Variants in NF1 observed in about 807,000 individuals in gnomAD.
The protein encoded by NF1 is neurofibromin 1.
A neutral mutation model predicts 325.7 loss-of-function variants in NF1; 122 were observed. That is an observed-to-expected ratio of 0.37 (90% CI 0.32 to 0.44). The LOEUF (loss-of-function observed/expected upper bound fraction) is 0.44. NF1 is among the 20% of genes least tolerant of loss of function. The probability of loss-of-function intolerance (pLI) is 1.00; values close to 1 mark genes in which losing one functional copy is unlikely to be tolerated. For synonymous variants in NF1, 1,091 were observed against 1,186.0 expected, an observed-to-expected ratio of 0.92 and a Z score of 1.65; for missense variants, 2,140 against 3,415.4, an observed-to-expected ratio of 0.63 and a Z score of 9.31.
intron 1 of NF1, among the ~76,000 whole-genome samples, chr17:31,142,348 C>G (rs1406035279): frequency 6.6e-6 from 1 of 152,026 alleles, no homozygotes; most frequent in East Asian, 1.9e-4. Flanking sequence ...AGTAATGTAT[C>G]TAACTGAAAA....
chr17:31,222,562 G>A, intron 15 of NF1: 1 of 1,020,324 alleles, frequency 9.8e-7, no homozygotes, highest in Admixed American at 5.8e-5. Flanking sequence ...GAGTAGTGCT[G>A]TCCACTAGTA....
intron 29 of NF1, among the ~76,000 whole-genome samples, chr17:31,239,743 A>G (rs1193045199): frequency 6.6e-6 from 1 of 152,114 alleles, no homozygotes; most frequent in Non-Finnish European, 1.5e-5. Context: ...TGGGGTGTCC[A>G]TCACCTCAAG....
intron 1 of NF1, among the ~76,000 whole-genome samples, chr17:31,116,131 A>G (rs1010660997): frequency 1.3e-5 from 2 of 152,174 alleles, no homozygotes; most frequent in Non-Finnish European, 2.9e-5. Context: ...GTTGAAATCT[A>G]CCAGATAGAA....
chr17:31,211,869 A>G (rs1332799186), intron 12 of NF1, among the ~76,000 whole-genome samples: 3 of 152,068 alleles, frequency 2.0e-5, no homozygotes, highest in Admixed American at 6.6e-5. Flanking sequence ...GTAGACTTAA[A>G]ATTTTTTTAA....
intron 46 of NF1, among the ~76,000 whole-genome samples, chr17:31,339,094 C>A (rs1253856705): frequency 6.6e-6 from 1 of 152,116 alleles, no homozygotes; most frequent in Non-Finnish European, 1.5e-5. Context: ...TAATTATCTG[C>A]TATTGCCAAG....
rs866490882 is a variant in NF1 at position 31,152,547 on chromosome 17, T to C, written c.61-3436T>C. 2.7e-5 allele frequency among the ~76,000 whole-genome samples: 4 copies of C among 149,134 alleles called. No individual in the cohort carries two copies. The Admixed American group carries it at 2.7e-4, about 10-fold the overall frequency. On this transcript the variant is annotated intron_variant, in intron 1 of 57. Coordinates refer to ENST00000358273, the MANE Select transcript of NF1 (RefSeq NM_001042492.3). ...TACAACTTTCCTCCTTAGTCCCCCCTTTTTTTTCAACATTTGTTTACTCTT... is the reference window on the plus strand; with the variant it reads ...TACAACTTTCCTCCTTAGTCCCCCCCTTTTTTTCAACATTTGTTTACTCTT...
intron 1 of NF1, among the ~76,000 whole-genome samples, chr17:31,153,065 CTCTT>C (rs917858829): frequency 6.6e-6 from 1 of 151,952 alleles, no homozygotes; most frequent in Non-Finnish European, 1.5e-5. Context: ...GTTCATCTCT[CTCTT>C]TTTCATTTTT....
intron 2 of NF1, among the ~76,000 whole-genome samples, chr17:31,157,451 G>A (rs910226183): frequency 1.3e-5 from 2 of 151,696 alleles, no homozygotes; most frequent in Non-Finnish European, 2.9e-5. Context: ...TTACCTTTTT[G>A]CCTTATTCCC....
At chr17:31,360,781 T>A in intron 57 of NF1, 78 bp downstream of exon 57, 2 of 1,339,462 alleles carry the variant, frequency 1.5e-6, no homozygotes, top group Non-Finnish European at 2.1e-6. Context: ...GTGATCAGTT[T>A]ATAGCAAATT....
intron 36 of NF1, among the ~76,000 whole-genome samples, chr17:31,290,218 G>GT (rs199530188): frequency 2.5e-4 from 37 of 150,324 alleles, no homozygotes; most frequent in African/African-American, 7.1e-4. Flanking sequence ...CTTTGTGATT[G>GT]TTTTTTTTTC....
chr17:31,279,496 A>G (rs2068076707), intron 36 of NF1, among the ~76,000 whole-genome samples: 1 of 151,922 alleles, frequency 6.6e-6, no homozygotes, highest in South Asian at 2.1e-4. Flanking sequence ...TCAAGAAACT[A>G]TTTTGTAATC....
In NF1 at chr17:31,232,737, A is replaced by G. The variant is rs201645318; in HGVS notation, c.3352A>G (p.Ser1118Gly). The change falls in exon 26 of 58, where the codon AGT becomes GGT. Residue 1118 changes from serine to glycine, a missense_variant. This residue lies in a region of NF1 where 380 missense variants were observed against 639.3 expected (regional missense o/e 0.59). Transcript: ENST00000358273. ...ATTTATGAACCTTTTGAATGACTGC[A>G]GTGAAGTTGAAGATGAAAGTGCGCA... Reference protein sequence around the residue: ...TLFMNLLNDCSEVEDESAQTG... With the variant: ...TLFMNLLNDCGEVEDESAQTG... 4.3e-6 allele frequency: 7 copies of G among 1,613,880 alleles called. No homozygotes were observed. Among genetic ancestry groups the G allele is most frequent in the East Asian group, 4.5e-5 (2 of 44,838 alleles).
At chr17:31,258,153 T>C (rs879773784) in intron 31 of NF1, among the ~76,000 whole-genome samples, 191 bp from the exon 32 acceptor site, 2 of 152,180 alleles carry the variant, frequency 1.3e-5, no homozygotes, top group African/African-American at 4.8e-5. Context: ...TACTTTAATA[T>C]GATATAAGAC....
chr17:31,232,326 T>A, intron 25 of NF1, 137 bp downstream of exon 25: 1 of 668,520 alleles, frequency 1.5e-6, no homozygotes, highest in Non-Finnish European at 2.6e-6. Context: ...TTAAAGAAAG[T>A]AATATGATCA....
chr17:31,334,622 T>C, intron 39 of NF1: 2 of 516,686 alleles, frequency 3.9e-6, no homozygotes, highest in Non-Finnish European at 6.9e-6. Flanking sequence ...ACAAAACTTT[T>C]CAAAAATTGG....
At chr17:31,194,578 G>A (rs1460662763) in intron 8 of NF1, among the ~76,000 whole-genome samples, 1 of 152,034 alleles carries the variant, frequency 6.6e-6, no homozygotes, top group South Asian at 2.1e-4. Context: ...TGATGGGTAT[G>A]CTAATTACCT....
intron 1 of NF1, among the ~76,000 whole-genome samples, chr17:31,097,638 C>T (rs1011176035): frequency 1.6e-4 from 25 of 151,954 alleles, no homozygotes; most frequent in African/African-American, 5.1e-4. Flanking sequence ...GTTTTTAAAA[C>T]AGCATTTTTC....
intron 1 of NF1, among the ~76,000 whole-genome samples, chr17:31,104,524 G>A (rs1408101337): frequency 6.6e-6 from 1 of 152,156 alleles, no homozygotes; most frequent in African/African-American, 2.4e-5. Context: ...TCTTTGCAAA[G>A]GATTGACTTG....
chr17:31,230,207 C>A (rs2151431338), intron 22 of NF1, 53 bp from the exon 23 acceptor site: 1 of 1,590,520 alleles, frequency 6.3e-7, no homozygotes, highest in Non-Finnish European at 8.6e-7. Flanking sequence ...TTTAGAATGC[C>A]TTCTCTTTTG....
Sources: gnomAD v4.1 joint callset for allele counts (sites outside exome capture counted in the v4.1 genomes callset) on GRCh38, gnomAD v4.1.1 for gene constraint, gnomAD v4.1.1 regional missense constraint, MANE v1.5 for transcripts, NCBI Gene and HGNC (gene_info 2026-07-23, HGNC 2026-07-21) for gene names.